SMG6: variants seen among roughly 807,000 people sequenced by gnomAD.
SMG6 encodes the protein telomerase-binding protein EST1A.
SMG6 carries 66 observed loss-of-function variants against 142.2 expected under a neutral mutation model. That is an observed-to-expected ratio of 0.46 (90% CI 0.38 to 0.57). The LOEUF (loss-of-function observed/expected upper bound fraction) is 0.57, where lower values mean the gene tolerates loss of function less well. SMG6 is among the 20% of genes least tolerant of loss of function. SMG6 has a pLI of 0.00. For synonymous variants in SMG6, 779 were observed against 702.4 expected (o/e 1.11, Z -1.72); for missense variants, 1,793 against 1,832.0 (o/e 0.98, Z 0.39).
intron 13 of SMG6, among the ~76,000 whole-genome samples, chr17:2,132,409 CAT>C (rs2070152540): frequency 6.6e-6 from 1 of 152,196 alleles, no homozygotes; most frequent in Admixed American, 6.5e-5. Context: ...GCCCAGTCTA[CAT>C]GTGGACTGTC....
intron 13 of SMG6, among the ~76,000 whole-genome samples, chr17:2,162,050 C>G (rs2071195084): frequency 6.6e-6 from 1 of 152,102 alleles, no homozygotes; most frequent in African/African-American, 2.4e-5. Flanking sequence ...CAATAACTTC[C>G]TATAAAACAT....
At chr17:2,066,700 C>T (rs1390024355) in intron 16 of SMG6, among the ~76,000 whole-genome samples, 1 of 149,932 alleles carries the variant, frequency 6.7e-6, no homozygotes, top group Non-Finnish European at 1.5e-5. Flanking sequence ...CACACAATGC[C>T]CATGCTTTCG....
At chr17:2,290,731 A>T (rs1389761618) in intron 6 of SMG6, among the ~76,000 whole-genome samples, 3 of 152,214 alleles carry the variant, frequency 2.0e-5, no homozygotes, top group Non-Finnish European at 1.5e-5. Context: ...TAACCAAAAT[A>T]TATAAAGAAC....
At chr17:2,083,978 T>G (rs1410635092) in intron 14 of SMG6, among the ~76,000 whole-genome samples, 1 of 152,218 alleles carries the variant, frequency 6.6e-6, no homozygotes, top group Non-Finnish European at 1.5e-5. Context: ...AACCTTTGTC[T>G]GGTCAATAAG....
intron 4 of SMG6, among the ~76,000 whole-genome samples, chr17:2,297,010 GAAA>G (rs374673133): frequency 1.6e-5 from 1 of 61,008 alleles, no homozygotes; most frequent in African/African-American, 6.2e-5. Context: ...CTCAAAAAAT[GAAA>G]AAAAAAAAAA....
intron 13 of SMG6, among the ~76,000 whole-genome samples, chr17:2,137,957 C>CACACTAG (rs575204483): frequency 3.7e-4 from 56 of 152,102 alleles, no homozygotes; most frequent in Non-Finnish European, 6.9e-4. Flanking sequence ...ACATGAGCAC[C>CACACTAG]ACACTAGACA....
At chr17:2,228,054 T>TG (rs1159207162) in intron 10 of SMG6, among the ~76,000 whole-genome samples, 1 of 152,166 alleles carries the variant, frequency 6.6e-6, no homozygotes, top group Non-Finnish European at 1.5e-5. Context: ...AGCAAAATTA[T>TG]GTGTTTTGTT....
At chr17:2,127,395 T>C (rs572305727) in intron 13 of SMG6, 3 of 667,564 alleles carry the variant, frequency 4.5e-6, no homozygotes, top group Non-Finnish European at 8.4e-6. Flanking sequence ...TGGTAAATCC[T>C]TTTCCCCCCC....
chr17:2,204,534 G>A (rs2072622041), intron 10 of SMG6, among the ~76,000 whole-genome samples: 1 of 152,170 alleles, frequency 6.6e-6, no homozygotes, highest in South Asian at 2.1e-4. Flanking sequence ...GAGGTCAGGA[G>A]AATAATAAGC....
At chr17:2,188,903 T>A (rs1002811625) in intron 10 of SMG6, among the ~76,000 whole-genome samples, 10 of 152,168 alleles carry the variant, frequency 6.6e-5, no homozygotes, top group East Asian at 1.9e-4. Context: ...AGCACAGTCA[T>A]CAGTTAAGAT....
chr17:2,130,402 T>C (rs1248430475), intron 13 of SMG6, among the ~76,000 whole-genome samples: 1 of 151,086 alleles, frequency 6.6e-6, no homozygotes. Flanking sequence ...TTGAAGGGCA[T>C]AAAAGAAGAC....
intron 8 of SMG6, among the ~76,000 whole-genome samples, chr17:2,278,134 G>C (rs922031890): frequency 6.6e-6 from 1 of 152,084 alleles, no homozygotes; most frequent in African/African-American, 2.4e-5. Context: ...AAAAGGTCTG[G>C]AAGGACATCA....
intron 10 of SMG6, among the ~76,000 whole-genome samples, chr17:2,217,139 A>G (rs1184636263): frequency 1.3e-5 from 2 of 152,250 alleles, no homozygotes. Context: ...AGTAATTTGC[A>G]TAACACAGCA....
chr17:2,274,771 C>G (rs1394356014), intron 8 of SMG6, among the ~76,000 whole-genome samples: 1 of 152,168 alleles, frequency 6.6e-6, no homozygotes, highest in Non-Finnish European at 1.5e-5. Context: ...GGAGAAAATG[C>G]TGGCAATGGT....
At chr17:2,275,281 G>A (rs1686992950) in intron 8 of SMG6, among the ~76,000 whole-genome samples, 1 of 152,110 alleles carries the variant, frequency 6.6e-6, no homozygotes, top group African/African-American at 2.4e-5. Context: ...AATCAGCTGG[G>A]CATGGTGGTG....
intron 13 of SMG6, among the ~76,000 whole-genome samples, chr17:2,095,342 G>A (rs2068828330): frequency 6.6e-6 from 1 of 152,184 alleles, no homozygotes; most frequent in African/African-American, 2.4e-5. Flanking sequence ...CGTCCAGGAG[G>A]CCTCCCCTTA....
In SMG6 at chr17:2,085,478, T is replaced by A. The variant is rs2068534658; in HGVS notation, c.3534+247A>T. 6.6e-6 allele frequency among the ~76,000 whole-genome samples: 1 copy of A among 152,320 alleles called. No individual in the cohort carries two copies. The highest frequency in any genetic ancestry group is 1.5e-5 in the Non-Finnish European group (1 of 68,022). ...ACATTATTCAACTCCTTTCTTTCTT[T>A]TCCTCCCTTCTCCTCAATGCAGCAT... On this transcript the variant is annotated intron_variant, in intron 14 of 18. Transcript: ENST00000263073. This position sits in a 1 kb window ranked among gnomAD's most constrained non-coding sequence, Gnocchi z 4.1.
intron 10 of SMG6, among the ~76,000 whole-genome samples, chr17:2,201,939 G>A (rs1482205199): frequency 6.6e-6 from 1 of 151,886 alleles, no homozygotes; most frequent in East Asian, 1.9e-4. Flanking sequence ...CAGGAGAATC[G>A]CTTGAACCCA....
intron 13 of SMG6, among the ~76,000 whole-genome samples, chr17:2,115,044 G>A (rs2069464810): frequency 6.6e-6 from 1 of 151,280 alleles, no homozygotes; most frequent in Admixed American, 6.6e-5. Context: ...TCCTACCAGG[G>A]TTGATGGGAA....
Sources: gnomAD v4.1 joint callset for allele counts (sites outside exome capture counted in the v4.1 genomes callset) on GRCh38, gnomAD v4.1.1 for gene constraint, Gnocchi (gnomAD v3.1) non-coding constraint, MANE v1.5 for transcripts, NCBI Gene and HGNC (gene_info 2026-07-23, HGNC 2026-07-21) for gene names.